Variants in MB21D2 observed in about 807,000 individuals in gnomAD.
The protein encoded by MB21D2 is nucleotidyltransferase MB21D2.
In MB21D2, 9 loss-of-function variants were observed where a neutral mutation model predicts 33.3. That is an observed-to-expected ratio of 0.27 (90% confidence interval 0.16 to 0.47). The LOEUF (loss-of-function observed/expected upper bound fraction) is 0.47, where lower values mean the gene tolerates loss of function less well. Ranked by LOEUF, MB21D2 falls within the 20% of genes least tolerant of loss-of-function variation. The probability of loss-of-function intolerance (pLI) is 0.99; values close to 1 mark genes in which losing one functional copy is unlikely to be tolerated. For missense variants in MB21D2, 540 were observed against 624.6 expected (o/e 0.86, Z 1.44); for synonymous variants, 241 against 236.3 (o/e 1.02, Z -0.18).
chr3:192,845,260 TA>T (rs1712655400), intron 1 of MB21D2, among the ~76,000 whole-genome samples: 1 of 152,134 alleles, frequency 6.6e-6, no homozygotes, highest in Non-Finnish European at 1.5e-5. Flanking sequence ...AGAGCCAGGG[TA>T]AAAGTAAACT....
At chr3:192,810,794 C>T (rs1280431770) in intron 1 of MB21D2, among the ~76,000 whole-genome samples, 2 of 152,290 alleles carry the variant, frequency 1.3e-5, no homozygotes, top group Non-Finnish European at 2.9e-5. Context: ...TAAGTATAAC[C>T]ACCATTCTCA....
At chr3:192,890,099 C>G (rs1041558580) in intron 1 of MB21D2, among the ~76,000 whole-genome samples, 1 of 152,038 alleles carries the variant, frequency 6.6e-6, no homozygotes, top group African/African-American at 2.4e-5. Context: ...GAACCAAGAG[C>G]AACCTTTTCT....
Position 192,797,859 on chromosome 3 carries a change from G to C in MB21D2, c.*527C>G, listed in dbSNP as rs931765152. The C allele has an allele frequency of 6.5e-6, 1 of 152,810 alleles. No homozygotes were observed. Among genetic ancestry groups the C allele is most frequent in the Non-Finnish European group, 1.5e-5 (1 of 68,220 alleles). 9.5% of individuals were successfully genotyped at this position (152,810 alleles called of 1,614,324 possible). On this transcript the variant is annotated 3_prime_UTR_variant, in exon 2 of 2. Coordinates refer to ENST00000392452, the MANE Select transcript of MB21D2 (RefSeq NM_178496.4). ...AGTTTACATTGTTTGGTGGAAAAGG[G>C]GGGAAACTACTCTGGTCACTGGCCA...
At chr3:192,832,173 CTG>C (rs1446554239) in intron 1 of MB21D2, among the ~76,000 whole-genome samples, 1 of 152,228 alleles carries the variant, frequency 6.6e-6, no homozygotes, top group African/African-American at 2.4e-5. Context: ...GCATTGGAAT[CTG>C]TATTTTAACA....
At chr3:192,898,581 T>C (rs984790236) in intron 1 of MB21D2, among the ~76,000 whole-genome samples, 12 of 152,136 alleles carry the variant, frequency 7.9e-5, no homozygotes, top group Non-Finnish European at 1.3e-4. Context: ...AACCACCCAA[T>C]TGCCCAAGTT....
chr3:192,843,539 T>C (rs1447714247), intron 1 of MB21D2, among the ~76,000 whole-genome samples: 1 of 152,110 alleles, frequency 6.6e-6, no homozygotes, highest in East Asian at 1.9e-4. Context: ...CATTTGCTCA[T>C]GAAAGTTGGA....
intron 1 of MB21D2, among the ~76,000 whole-genome samples, chr3:192,886,148 C>A (rs1713728631): frequency 6.6e-6 from 1 of 152,018 alleles, no homozygotes; most frequent in East Asian, 1.9e-4. Flanking sequence ...TTAGTAGAGA[C>A]AGGGTTTCAC....
In MB21D2 at chr3:192,798,336, G is replaced by C. The variant is rs374978630; in HGVS notation, c.*50C>G. ...AGAAAGATAGCATCACAAACCACACGACACATTATCAGAGTTTAAGAATCA... is the reference window on the plus strand; with the variant it reads ...AGAAAGATAGCATCACAAACCACACCACACATTATCAGAGTTTAAGAATCA... On this transcript the variant is annotated 3_prime_UTR_variant, in exon 2 of 2. Coordinates refer to ENST00000392452, the MANE Select transcript of MB21D2 (RefSeq NM_178496.4). This position sits in a 1 kb window ranked among gnomAD's most constrained non-coding sequence, Gnocchi z 4.8. The C allele has an allele frequency of 5.7e-6, 9 of 1,573,518 alleles. No individual in the cohort carries two copies. Among genetic ancestry groups the C allele is most frequent in the Non-Finnish European group, 7.8e-6 (9 of 1,153,762 alleles).
At chr3:192,860,402 A>C (rs182374080) in intron 1 of MB21D2, among the ~76,000 whole-genome samples, 4 of 152,226 alleles carry the variant, frequency 2.6e-5, no homozygotes, top group Non-Finnish European at 4.4e-5. Context: ...TTATCTATTA[A>C]TTTTAATGTT....
rs762640339 is a variant in MB21D2, at chr3:192,799,447, G to T, written c.415C>A (p.Arg139Ser). 6 of 1,614,094 alleles carry T rather than the reference G, an allele frequency of 3.7e-6. No homozygotes were observed. The African/African-American group carries it at 5.3e-5, about 14-fold the overall frequency. ...DRNQPVTLDM[R>S]HSALCHSWLS... The stretch of plus-strand genomic sequence containing the variant: ...CAAGAGTGGCACAAGGCTGAGTGGC[G>T]CATGTCGAGTGTCACAGGCTGATTA... Residue 139 changes from arginine to serine, a missense_variant, in exon 2 of 2, where the codon CGC becomes AGC. Transcript: ENST00000392452. The surrounding 1 kb of genome is among the most constrained non-coding windows in gnomAD (Gnocchi z 4.1).
chr3:192,850,606 A>G (rs532440810), intron 1 of MB21D2, among the ~76,000 whole-genome samples: 1 of 152,142 alleles, frequency 6.6e-6, no homozygotes, highest in African/African-American at 2.4e-5. Context: ...ATACACATAC[A>G]CGTCTGAAAA....
intron 1 of MB21D2, among the ~76,000 whole-genome samples, chr3:192,851,789 C>A (rs948376182): frequency 3.3e-5 from 5 of 152,304 alleles, no homozygotes; most frequent in African/African-American, 1.2e-4. Context: ...CGTAAGCCAG[C>A]ATGCCTGGCC....
intron 1 of MB21D2, among the ~76,000 whole-genome samples, chr3:192,840,923 T>A (rs1054880805): frequency 6.6e-6 from 1 of 152,224 alleles, no homozygotes; most frequent in Admixed American, 6.5e-5. Flanking sequence ...AAGAGGCAGG[T>A]TGTGGAAAAT....
chr3:192,837,375 C>T (rs1189430249), intron 1 of MB21D2, among the ~76,000 whole-genome samples: 1 of 152,162 alleles, frequency 6.6e-6, no homozygotes, highest in Non-Finnish European at 1.5e-5. Flanking sequence ...TCCGTCTCGG[C>T]TCCTGGTCAC....
At position 192,828,196 on chromosome 3, in the gene MB21D2, G is replaced by A. The variant is rs768209286; in HGVS notation, c.212-28546C>T. Among the ~76,000 whole-genome samples the A allele has an allele frequency of 8.5e-5, 13 of 152,072 alleles. 1 individual carries two copies. Among genetic ancestry groups the A allele is most frequent in the Middle Eastern group, 3.4e-3 (1 of 294 alleles). ...CAGCAGTGTGAAAATGGACTAATAC[G>A]ACGTTCTTTGGATTCTGGCTGAATG... is the stretch of plus-strand genomic sequence containing the variant. On this transcript the variant is annotated intron_variant, in intron 1 of 1. Transcript: ENST00000392452.
At position 192,873,640 on chromosome 3, in the gene MB21D2, G is replaced by A. The variant is rs534991690; in HGVS notation, c.211+43990C>T. Among the ~76,000 whole-genome samples, 7 of 152,264 alleles carry A rather than the reference G, an allele frequency of 4.6e-5. No homozygotes were observed. In the South Asian group the frequency reaches 8.3e-4, roughly 18 times the overall value. On this transcript the variant is annotated intron_variant, in intron 1 of 1. Transcript: ENST00000392452. ...ATCCCTCCTCTACCACTCTTTGACC[G>A]CTGTCCTCGTCTGGGAGCTGCACTC...
chr3:192,845,277 C>T (rs964160789), intron 1 of MB21D2, among the ~76,000 whole-genome samples: 1 of 152,166 alleles, frequency 6.6e-6, no homozygotes, highest in African/African-American at 2.4e-5. Context: ...AAACTCCGAC[C>T]GCTTTCATCA....
rs749691092 is a variant in MB21D2, at chr3:192,798,884, A to G, written c.978T>C (p.Ala326=). ...TGCTCCGCAGGTGATAGGGGCTAATAGCCTTGGGCCGGGACAGCAGTTTAA... is the reference window on the plus strand; with the variant it reads ...TGCTCCGCAGGTGATAGGGGCTAATGGCCTTGGGCCGGGACAGCAGTTTAA... The part of the protein sequence containing the change: ...IIIKLLSRPK[A]ISPYHLRSMM... Residue 326 remains alanine, a synonymous_variant, in exon 2 of 2, where the codon GCT becomes GCC. Transcript: ENST00000392452. The surrounding 1 kb of genome is among the most constrained non-coding windows in gnomAD (Gnocchi z 4.8). The G allele has an allele frequency of 1.1e-5, 18 of 1,613,592 alleles. No individual in the cohort carries two copies. Among genetic ancestry groups the G allele is most frequent in the South Asian group, 6.6e-5 (6 of 91,076 alleles).
intron 1 of MB21D2, among the ~76,000 whole-genome samples, chr3:192,889,148 A>T (rs1713796077): frequency 6.6e-6 from 1 of 152,126 alleles, no homozygotes; most frequent in South Asian, 2.1e-4. Flanking sequence ...CAACAAACAG[A>T]TACACACACA....
Sources: allele counts gnomAD v4.1 joint callset (sites outside exome capture counted in the v4.1 genomes callset), GRCh38; gene constraint gnomAD v4.1.1; non-coding constraint Gnocchi (gnomAD v3.1); transcripts MANE v1.5; gene names NCBI Gene and HGNC (gene_info 2026-07-23, HGNC 2026-07-21).